BTBD8: variants seen among roughly 807,000 people sequenced by gnomAD.
The protein encoded by BTBD8 is BTB domain containing 8.
BTBD8 carries 110 observed loss-of-function variants against 162.9 expected under a neutral mutation model. That is an observed-to-expected ratio of 0.68 (90% CI 0.58 to 0.79). BTBD8 has a LOEUF of 0.79. Ranked by LOEUF, BTBD8 falls within the 30% of genes least tolerant of loss-of-function variation. BTBD8 has a pLI of 0.00. For missense variants in BTBD8, 1,905 were observed against 2,085.4 expected (o/e 0.91, Z 1.68); for synonymous variants, 667 against 716.1 (o/e 0.93, Z 1.10).
In BTBD8 at chr1:92,140,355, C is replaced by G. The variant is rs77068643; in HGVS notation, c.834-760C>G. Among the ~76,000 whole-genome samples the G allele has an allele frequency of 8.3e-3, 1,256 of 152,188 alleles. 21 individuals carry two copies. Among genetic ancestry groups the G allele is most frequent in the African/African-American group, 0.028 (1,166 of 41,532 alleles). On this transcript the variant is annotated intron_variant, in intron 6 of 17. Transcript: ENST00000636805. ...GAAATACCATCTAAGCCTCTGAAAT[C>G]CTACTTGGGAGTGAAATTTCACCTT...
chr1:92,173,483 A>G lies in BTBD8; in HGVS notation c.1635+2023A>G, dbSNP rs189836239. Among the ~76,000 whole-genome samples the G allele has an allele frequency of 4.8e-4, 73 of 152,268 alleles. 1 individual carries two copies. Among genetic ancestry groups the G allele is most frequent in the African/African-American group, 1.7e-3 (71 of 41,568 alleles). On this transcript the variant is annotated intron_variant, in intron 13 of 17. Transcript: ENST00000636805. The stretch of plus-strand genomic sequence containing the variant: ...TTTAAAGGCCCCCAGGAATTAGCCT[A>G]CTTGCCTTCCTATCCCCTGCTACTC...
Position 92,180,432 on chromosome 1 carries a change from G to A in BTBD8, c.2749G>A (p.Val917Met). 6.4e-7 allele frequency: 1 copy of A among 1,551,372 alleles called. No individual in the cohort carries two copies. The highest frequency in any genetic ancestry group is 8.7e-7 in the Non-Finnish European group (1 of 1,146,876). ...TTTGCCTAAGGTTAATGCAAAAATA[G>A]TGGCAATGCCTAAAAATCTAAATCA... ...TALPKVNAKI[V>M]AMPKNLNQSK... The change falls in exon 17 of 18, where the codon GTG becomes ATG. Residue 917 changes from valine (V) to methionine (M), a missense_variant. By Grantham distance (21) the Val-to-Met change is conservative (BLOSUM62 1). Around this residue, in one of 3 missense-constraint regions of BTBD8, gnomAD observed 1,374 missense variants for 1,442.7 expected, o/e 0.95. Coordinates refer to ENST00000636805, the MANE Select transcript of BTBD8 (RefSeq NM_001376131.1).
At chr1:92,164,764 C>A (rs1316833794) in intron 9 of BTBD8, among the ~76,000 whole-genome samples, 1 of 150,900 alleles carries the variant, frequency 6.6e-6, no homozygotes, top group African/African-American at 2.4e-5. Context: ...CGGGTTCATG[C>A]CATCCTTCTA....
chr1:92,160,133 CTT>C (rs1650246925), intron 9 of BTBD8, among the ~76,000 whole-genome samples: 1 of 151,738 alleles, frequency 6.6e-6, no homozygotes, highest in East Asian at 1.9e-4. Flanking sequence ...TCTTTCTTCT[CTT>C]TGATCTAGTC....
chr1:92,092,224 A>T (rs1570714185), intron 2 of BTBD8, among the ~76,000 whole-genome samples: 1 of 152,024 alleles, frequency 6.6e-6, no homozygotes, highest in East Asian at 1.9e-4. Context: ...AACATGGCAA[A>T]ACCCAGTCTT....
intron 1 of BTBD8, 144 bp downstream of exon 1, chr1:92,080,864 C>T (rs1647992610): frequency 7.6e-7 from 1 of 1,308,960 alleles, no homozygotes; most frequent in South Asian, 1.4e-5. Flanking sequence ...GTTAGCCAGT[C>T]TCCCCACTAT....
rs774257350 is a variant in BTBD8 at position 92,139,314 on chromosome 1, C to T, written c.753-36C>T. 14 of 1,539,744 alleles carry T rather than the reference C, an allele frequency of 9.1e-6. No individual in the cohort carries two copies. The South Asian group carries it at 1.7e-4, about 18-fold the overall frequency. ...AATGAATCATTGATATCAGTTAAAC[C>T]TTAATTCTGGATTTGAGTTTTCTTT... On this transcript the variant is annotated intron_variant, in intron 5 of 17. Coordinates refer to ENST00000636805, the MANE Select transcript of BTBD8 (RefSeq NM_001376131.1).
At chr1:92,102,813 ACT>A (rs1648626667) in intron 3 of BTBD8, 144 bp downstream of exon 3, 1 of 677,178 alleles carries the variant, frequency 1.5e-6, no homozygotes. Flanking sequence ...AGTATTGTTA[ACT>A]CCCAGTTTTT....
chr1:92,099,068 G>T (rs922596812), intron 2 of BTBD8, among the ~76,000 whole-genome samples: 2 of 152,102 alleles, frequency 1.3e-5, no homozygotes, highest in African/African-American at 4.8e-5. Flanking sequence ...GTGAATTTTT[G>T]TATATGGTAT....
Position 92,177,204 on chromosome 1 carries a change from G to A in BTBD8, c.2011G>A (p.Gly671Arg). ...RSATAAAAAT[G>R]QKNLLNGKGV... ...AGCAACAGCAGCAGCAGCAGCAACTGGACAGAAGAATTTACTAAATGGAAA... is the reference window on the plus strand; with the variant it reads ...AGCAACAGCAGCAGCAGCAGCAACTAGACAGAAGAATTTACTAAATGGAAA... Residue 671 changes from glycine to arginine, a missense_variant, in exon 14 of 18, where the codon GGA becomes AGA. By Grantham distance (125) the Gly-to-Arg change is moderately radical. Coordinates refer to ENST00000636805, the MANE Select transcript of BTBD8 (RefSeq NM_001376131.1). 2 of 1,551,894 alleles carry A rather than the reference G, an allele frequency of 1.3e-6. No individual in the cohort carries two copies. The highest frequency in any genetic ancestry group is 2.4e-5 in the South Asian group (2 of 84,062).
intron 9 of BTBD8, among the ~76,000 whole-genome samples, chr1:92,166,519 A>G (rs935389586): frequency 1.4e-5 from 2 of 145,134 alleles, no homozygotes; most frequent in Admixed American, 7.2e-5. Context: ...CCGCCTCCTG[A>G]GTTCAAGCAA....
Position 92,184,307 on chromosome 1 carries a change from CT to C in BTBD8, c.5357del (p.Leu1786ArgfsTer10). ...DCSPQGEWTI[L>X]ELETQH ...TTCGCCTCAAGGCGAGTGGACAATTCTGGAACTGGAAACTCAGCATTAAGTG... is the reference window on the plus strand; with the variant it reads ...TTCGCCTCAAGGCGAGTGGACAATTCGGAACTGGAAACTCAGCATTAAGTG... On this transcript the variant is annotated frameshift_variant, in exon 18 of 18. Transcript: ENST00000636805. LOFTEE classifies it high-confidence loss of function. 6.5e-7 allele frequency: 1 copy of C among 1,548,900 alleles called. No individual in the cohort carries two copies. The highest frequency in any genetic ancestry group is 8.7e-7 in the Non-Finnish European group (1 of 1,145,528).
At chr1:92,159,341 ATT>A (rs1470897603) in intron 9 of BTBD8, among the ~76,000 whole-genome samples, 10 of 151,646 alleles carry the variant, frequency 6.6e-5, no homozygotes, top group Admixed American at 6.6e-4. Flanking sequence ...CAGCTAGCTA[ATT>A]TTTTGTATTT....
At chr1:92,098,993 G>A (rs185720642) in intron 2 of BTBD8, among the ~76,000 whole-genome samples, 1 of 152,268 alleles carries the variant, frequency 6.6e-6, no homozygotes, top group African/African-American at 2.4e-5. Context: ...GAAGATTTAT[G>A]CCTATGTTTA....
rs143381897 is a variant in BTBD8 at position 92,178,802 on chromosome 1, C to T, written c.2581+351C>T. Among the ~76,000 whole-genome samples, 935 of 152,140 alleles carry T rather than the reference C, an allele frequency of 6.1e-3. 12 individuals carry two copies. Among genetic ancestry groups the T allele is most frequent in the African/African-American group, 0.022 (897 of 41,498 alleles). ...ACACACCTGGCCTCTGTTTGGTTTT[C>T]ATTGTCTTTTGTGAGAGAAATAATT... is the stretch of plus-strand genomic sequence containing the variant. On this transcript the variant is annotated intron_variant, in intron 16 of 17. Coordinates refer to ENST00000636805, the MANE Select transcript of BTBD8 (RefSeq NM_001376131.1).
At chr1:92,114,976 T>A (rs1020358432) in intron 4 of BTBD8, 2 of 285,162 alleles carry the variant, frequency 7.0e-6, no homozygotes, top group Non-Finnish European at 1.4e-5. Context: ...AATCTGGTGC[T>A]CATTGTAGCC....
chr1:92,126,613 G>A (rs12061953), intron 4 of BTBD8, among the ~76,000 whole-genome samples: 5,404 of 152,164 alleles, frequency 0.036, 353 homozygotes, highest in African/African-American at 0.12. Context: ...CTTATTGTAC[G>A]GTTTTTAATT....
intron 9 of BTBD8, among the ~76,000 whole-genome samples, chr1:92,149,012 A>G (rs1272596461): frequency 1.3e-5 from 2 of 152,184 alleles, no homozygotes; most frequent in South Asian, 2.1e-4. Context: ...AGTTTGGGCT[A>G]CCCTTCCAGA....
chr1:92,154,682 G>C (rs1650118615), intron 9 of BTBD8, among the ~76,000 whole-genome samples: 1 of 152,094 alleles, frequency 6.6e-6, no homozygotes, highest in Non-Finnish European at 1.5e-5. Context: ...TTTGGAATTA[G>C]CCCCTTATGA....
Sources: gnomAD v4.1 joint callset for allele counts (sites outside exome capture counted in the v4.1 genomes callset) on GRCh38, gnomAD v4.1.1 for gene constraint, gnomAD v4.1.1 regional missense constraint, MANE v1.5 for transcripts, NCBI Gene and HGNC (gene_info 2026-07-23, HGNC 2026-07-21) for gene names.